GNAI1: variants seen among roughly 807,000 people sequenced by gnomAD.
GNAI1 encodes the protein G protein subunit alpha i1.
Under a neutral mutation model 38.9 loss-of-function variants are expected in GNAI1, and 11 were observed. The observed-to-expected ratio is 0.28, with a 90% confidence interval of 0.18 to 0.47. The LOEUF (loss-of-function observed/expected upper bound fraction) is 0.47, where lower values mean the gene tolerates loss of function less well. Among genes scored for constraint, GNAI1 ranks in the 20% least tolerant of loss-of-function variants. The pLI, the probability that GNAI1 is intolerant of heterozygous loss-of-function variation, is 0.99. For missense variants in GNAI1, 317 were observed against 436.9 expected (o/e 0.73, Z 2.45); for synonymous variants, 166 against 145.1 (o/e 1.14, Z -1.04).
Position 80,218,276 on chromosome 7 carries a change from G to T in GNAI1, c.*783G>T, listed in dbSNP as rs1789008478. The T allele has an allele frequency of 1.3e-5, 2 of 152,000 alleles. No homozygotes were observed. Among genetic ancestry groups the T allele is most frequent in the Non-Finnish European group, 2.9e-5 (2 of 67,952 alleles). 9.4% of individuals were successfully genotyped at this position (152,000 alleles called of 1,614,324 possible). A position where few individuals can be genotyped will look rare whatever the true frequency, so the allele number is the denominator to read the frequency against. ...GAGGATATACTGTCTTAGACTTATT[G>T]TACACACTTAGTTTTTATTCACTTG... On this transcript the variant is annotated 3_prime_UTR_variant, in exon 8 of 8. Transcript: ENST00000649796.
rs374469252 is a variant in GNAI1 at position 80,189,039 on chromosome 7, G to A, written c.161+46G>A. 3.7e-5 allele frequency: 60 copies of A among 1,600,642 alleles called. No homozygotes were observed. The African/African-American group carries it at 5.6e-4, about 15-fold the overall frequency. ...AATTTGCTGTTTAAGTTAGTGTACC[G>A]TTCTACCAAAGGAAGTAAATAATTC... is the stretch of plus-strand genomic sequence containing the variant. On this transcript the variant is annotated intron_variant, in intron 2 of 7. Coordinates refer to ENST00000649796, the MANE Select transcript of GNAI1 (RefSeq NM_002069.6).
At position 80,199,452 on chromosome 7, in the gene GNAI1, C is replaced by A. The variant is rs535561388; in HGVS notation, c.461+70C>A. On this transcript the variant is annotated intron_variant, in intron 4 of 7. Coordinates refer to ENST00000649796, the MANE Select transcript of GNAI1 (RefSeq NM_002069.6). ...TTGCAAGTCAAATATACTTCCAAGTCAATTTTACTGCAGAATTGGCTGACA... is the reference window on the plus strand; with the variant it reads ...TTGCAAGTCAAATATACTTCCAAGTAAATTTTACTGCAGAATTGGCTGACA... 6 of 1,143,128 alleles carry A rather than the reference C, an allele frequency of 5.2e-6. No individual in the cohort carries two copies. In the Admixed American group the frequency reaches 1.3e-4, roughly 25 times the overall value. 70.8% of individuals were successfully genotyped at this position (1,143,128 alleles called of 1,614,324 possible). A position where few individuals can be genotyped will look rare whatever the true frequency, so the allele number is the denominator to read the frequency against.
intron 1 of GNAI1, among the ~76,000 whole-genome samples, chr7:80,172,658 G>A (rs1483633631): frequency 1.3e-5 from 2 of 152,024 alleles, no homozygotes; most frequent in Non-Finnish European, 2.9e-5. Flanking sequence ...GCAAAGCAAC[G>A]TGAATGAAGA....
In GNAI1 at chr7:80,157,352, A is replaced by G. The variant is rs370894890; in HGVS notation, c.118+22074A>G. 3.3e-5 allele frequency among the ~76,000 whole-genome samples: 5 copies of G among 152,352 alleles called. No homozygotes were observed. The East Asian group carries it at 9.6e-4, about 29-fold the overall frequency. On this transcript the variant is annotated intron_variant, in intron 1 of 7. Transcript: ENST00000649796. ...CACAGTTTATCTGTTCACCTACTGA[A>G]TGACATCTTAGTTTGCCCAAATTAT...
chr7:80,212,582 G>A, intron 6 of GNAI1, 134 bp from the exon 7 acceptor site: 1 of 543,006 alleles, frequency 1.8e-6, no homozygotes, highest in South Asian at 3.1e-5. Context: ...TTCTGAAATG[G>A]CAGAAATGTA....
In GNAI1 at chr7:80,221,410, A is replaced by C. The variant is rs1342333864; in HGVS notation, c.*3917A>C. 6.6e-6 allele frequency among the ~76,000 whole-genome samples: 1 copy of C among 152,170 alleles called. No homozygotes were observed. Among genetic ancestry groups the C allele is most frequent in the Non-Finnish European group, 1.5e-5 (1 of 68,028 alleles). ...AATAATAGTTTTAAGGTGCCTTTAA[A>C]ATCATAATCAGTGCTTAACAAATGG... On this transcript the variant is annotated 3_prime_UTR_variant, in exon 8 of 8. Transcript: ENST00000649796.
intron 3 of GNAI1, among the ~76,000 whole-genome samples, chr7:80,193,549 T>C (rs547009675): frequency 6.6e-6 from 1 of 152,320 alleles, no homozygotes; most frequent in South Asian, 2.1e-4. Flanking sequence ...GGTGATTATG[T>C]TTCTAATGAA....
chr7:80,215,968 G>T (rs112061215), intron 7 of GNAI1, among the ~76,000 whole-genome samples: 3 of 152,220 alleles, frequency 2.0e-5, no homozygotes, highest in African/African-American at 7.2e-5. Flanking sequence ...TGGAGGAGAG[G>T]ATCTCAGAAT....
In GNAI1 at chr7:80,220,317, GCA is replaced by G. The variant is rs1343429759; in HGVS notation, c.*2826_*2827del. On this transcript the variant is annotated 3_prime_UTR_variant, in exon 8 of 8. Coordinates refer to ENST00000649796, the MANE Select transcript of GNAI1 (RefSeq NM_002069.6). The stretch of plus-strand genomic sequence containing the variant: ...GTGTCTGTCAATGTTATTTTTATTA[GCA>G]CTTTTAAAATGGTGTGTAAAATGTA... 1.3e-5 allele frequency among the ~76,000 whole-genome samples: 2 copies of G among 152,158 alleles called. No homozygotes were observed. Among genetic ancestry groups the G allele is most frequent in the Admixed American group, 6.5e-5 (1 of 15,278 alleles).
At chr7:80,206,263 T>G (rs1216693303) in intron 5 of GNAI1, among the ~76,000 whole-genome samples, 1 of 152,084 alleles carries the variant, frequency 6.6e-6, no homozygotes, top group Non-Finnish European at 1.5e-5. Context: ...AACAAAGATA[T>G]AGGTAATAAT....
chr7:80,162,962 G>A (rs1308627590), intron 1 of GNAI1, among the ~76,000 whole-genome samples: 1 of 152,168 alleles, frequency 6.6e-6, no homozygotes, highest in African/African-American at 2.4e-5. Context: ...AATCTTTAAA[G>A]TGTTTGCTTT....
rs71518978 is a variant in GNAI1 at position 80,221,636 on chromosome 7, CTTTTTTTTTTTT to C, written c.*4157_*4168del. On this transcript the variant is annotated 3_prime_UTR_variant, in exon 8 of 8. Transcript: ENST00000649796. ...ATTTTAATGTTAGGTTGGAAATTTT[CTTTTTTTTTTTT>C]TTTTTTTTTTTTTGGTATGGAGTCT... 4.0e-4 allele frequency among the ~76,000 whole-genome samples: 38 copies of C among 94,372 alleles called. No individual in the cohort carries two copies. The highest frequency in any genetic ancestry group is 1.4e-3 in the African/African-American group (33 of 24,286). The allele number at this position is 94,372 out of a possible 152,430, so 61.9% of individuals were successfully genotyped here.
At chr7:80,189,763 G>A (rs923117186) in intron 3 of GNAI1, among the ~76,000 whole-genome samples, 1 of 152,126 alleles carries the variant, frequency 6.6e-6, no homozygotes, top group Admixed American at 6.5e-5. Flanking sequence ...AGACAAGCTA[G>A]TTTCAATTCT....
At chr7:80,173,471 C>T (rs1306651863) in intron 1 of GNAI1, among the ~76,000 whole-genome samples, 1 of 152,112 alleles carries the variant, frequency 6.6e-6, no homozygotes, top group South Asian at 2.1e-4. Context: ...CCCAAAACTG[C>T]AAAATGCTTA....
intron 1 of GNAI1, among the ~76,000 whole-genome samples, chr7:80,167,462 C>T (rs764834636): frequency 6.6e-6 from 1 of 151,990 alleles, no homozygotes; most frequent in South Asian, 2.1e-4. Flanking sequence ...CTGCCAGACC[C>T]GATGCTCACT....
chr7:80,167,612 C>T (rs1788033569), intron 1 of GNAI1, among the ~76,000 whole-genome samples: 1 of 151,964 alleles, frequency 6.6e-6, no homozygotes, highest in South Asian at 2.1e-4. Context: ...GTAATTTATC[C>T]CGTTTTTCAG....
chr7:80,156,150 G>A (rs1787815401), intron 1 of GNAI1, among the ~76,000 whole-genome samples: 1 of 151,996 alleles, frequency 6.6e-6, no homozygotes, highest in Non-Finnish European at 1.5e-5. Context: ...GTTGGTGCAG[G>A]CATTAGTTTT....
intron 3 of GNAI1, among the ~76,000 whole-genome samples, chr7:80,197,365 G>T (rs1788596821): frequency 6.6e-6 from 1 of 151,678 alleles, no homozygotes; most frequent in Non-Finnish European, 1.5e-5. Flanking sequence ...TTTACTTCAG[G>T]CCTATTCCTG....
intron 1 of GNAI1, among the ~76,000 whole-genome samples, chr7:80,160,137 T>C (rs1376605688): frequency 6.6e-6 from 1 of 151,836 alleles, no homozygotes; most frequent in East Asian, 1.9e-4. Flanking sequence ...AAGTATCACA[T>C]CAACACTCTA....
Sources: gnomAD v4.1 joint callset for allele counts (sites outside exome capture counted in the v4.1 genomes callset) on GRCh38, gnomAD v4.1.1 for gene constraint, MANE v1.5 for transcripts, NCBI Gene and HGNC (gene_info 2026-07-23, HGNC 2026-07-21) for gene names.